CSMD1: variants seen among roughly 807,000 people sequenced by gnomAD.
CSMD1 encodes the protein CUB and sushi domain-containing protein 1.
CSMD1 carries 213 observed loss-of-function variants against 417.5 expected under a neutral mutation model. The ratio of observed to expected loss-of-function variants is 0.51; its 90% CI spans 0.46 to 0.57. The LOEUF is 0.57. CSMD1 is among the 20% of genes least tolerant of loss of function. CSMD1 has a pLI of 0.00. For synonymous variants in CSMD1, 2,862 were observed against 1,736.8 expected, an observed-to-expected ratio of 1.65 and a Z score of -16.11; for missense variants, 6,923 against 4,529.7, an observed-to-expected ratio of 1.53 and a Z score of -15.17.
rs113599191 is a variant in CSMD1, at chr8:3,821,137, C to G, written c.819-67095G>C. On this transcript the variant is annotated intron_variant, in intron 5 of 69. Coordinates refer to ENST00000635120, the MANE Select transcript of CSMD1 (RefSeq NM_033225.6). ...TTCACCATGTAAGCCAGGCTGGTCT[C>G]GAACTCCTGACCTCAGGTGATCCAC... Among the ~76,000 whole-genome samples the G allele has an allele frequency of 1.3e-3, 203 of 152,156 alleles. 1 individual carries two copies. The highest frequency in any genetic ancestry group is 4.6e-3 in the African/African-American group (193 of 41,510).
chr8:3,999,293 G>A (rs1815473355), intron 4 of CSMD1, among the ~76,000 whole-genome samples: 1 of 152,122 alleles, frequency 6.6e-6, no homozygotes, highest in South Asian at 2.1e-4. Context: ...GCTGTAAGCA[G>A]AGGTTGTGTG....
intron 5 of CSMD1, among the ~76,000 whole-genome samples, chr8:3,913,210 C>G (rs908968436): frequency 6.6e-6 from 1 of 152,170 alleles, no homozygotes; most frequent in African/African-American, 2.4e-5. Flanking sequence ...GAGGTCAGAA[C>G]AGATATCAGG....
intron 5 of CSMD1, among the ~76,000 whole-genome samples, chr8:3,795,120 C>CATGTATAGCTATAGATAGA (rs1563087051): frequency 1.6e-4 from 12 of 75,786 alleles, no homozygotes; most frequent in African/African-American, 2.4e-4. Flanking sequence ...CTATAGATAT[C>CATGTATAGCTATAGATAGA]TATCATGTAC....
At chr8:4,825,585 A>T (rs1450755109) in intron 1 of CSMD1, among the ~76,000 whole-genome samples, 1 of 105,360 alleles carries the variant, frequency 9.5e-6, no homozygotes, top group Non-Finnish European at 2.2e-5. Flanking sequence ...TACAAGTGGG[A>T]TCAAAAAGCA....
chr8:3,834,776 A>G (rs1447304572), intron 5 of CSMD1, among the ~76,000 whole-genome samples: 1 of 152,076 alleles, frequency 6.6e-6, no homozygotes. Flanking sequence ...GAAGAGCTCA[A>G]GGCAACCTAC....
chr8:3,349,611 T>C (rs1425480081), intron 21 of CSMD1, among the ~76,000 whole-genome samples: 1 of 151,738 alleles, frequency 6.6e-6, no homozygotes, highest in Non-Finnish European at 1.5e-5. Context: ...ATAATCATTT[T>C]AAGAAATTAC....
chr8:3,955,695 G>T (rs1252500590), intron 5 of CSMD1, among the ~76,000 whole-genome samples: 1 of 152,100 alleles, frequency 6.6e-6, no homozygotes, highest in African/African-American at 2.4e-5. Flanking sequence ...GAAAGAGGAT[G>T]AATACGTGGA....
intron 7 of CSMD1, among the ~76,000 whole-genome samples, chr8:3,633,787 C>A (rs939186193): frequency 6.6e-6 from 1 of 152,170 alleles, no homozygotes; most frequent in Non-Finnish European, 1.5e-5. Context: ...TCAGATATTA[C>A]TTCTCAAGTA....
chr8:3,014,924 T>A (rs1017564550), intron 52 of CSMD1, among the ~76,000 whole-genome samples: 1 of 151,790 alleles, frequency 6.6e-6, no homozygotes, highest in African/African-American at 2.4e-5. Context: ...TCAAACATAA[T>A]TAAATAAATA....
At chr8:4,299,812 G>C (rs1007779379) in intron 3 of CSMD1, among the ~76,000 whole-genome samples, 4 of 151,716 alleles carry the variant, frequency 2.6e-5, no homozygotes, top group African/African-American at 9.7e-5. Flanking sequence ...TGTATTTTTA[G>C]TACAGATGGG....
chr8:3,085,831 T>A (rs916434280), intron 49 of CSMD1, among the ~76,000 whole-genome samples: 5 of 152,192 alleles, frequency 3.3e-5, no homozygotes, highest in Non-Finnish European at 7.3e-5. Flanking sequence ...GACTAGCATG[T>A]GCCTGGCATC....
At chr8:4,213,322 A>C (rs17069490) in intron 3 of CSMD1, among the ~76,000 whole-genome samples, 7,908 of 152,162 alleles carry the variant, frequency 0.052, 617 homozygotes, top group East Asian at 0.33. Context: ...TCTGCTCCAG[A>C]CATGCAATTC....
At chr8:4,831,225 C>T (rs1360624227) in intron 1 of CSMD1, among the ~76,000 whole-genome samples, 7 of 152,106 alleles carry the variant, frequency 4.6e-5, no homozygotes, top group Admixed American at 2.0e-4. Context: ...CCACACCTGA[C>T]AAAAAGAGGG....
chr8:4,808,583 G>T (rs1395140027), intron 1 of CSMD1, among the ~76,000 whole-genome samples: 1 of 152,092 alleles, frequency 6.6e-6, no homozygotes, highest in Non-Finnish European at 1.5e-5. Flanking sequence ...TTATCATAAT[G>T]GGTGTGATAC....
chr8:3,772,866 T>C lies in CSMD1; in HGVS notation c.819-18824A>G, dbSNP rs916611839. Among the ~76,000 whole-genome samples the C allele has an allele frequency of 3.3e-5, 5 of 152,134 alleles. No homozygotes were observed. The East Asian group carries it at 9.7e-4, about 29-fold the overall frequency. On this transcript the variant is annotated intron_variant, in intron 5 of 69. Coordinates refer to ENST00000635120, the MANE Select transcript of CSMD1 (RefSeq NM_033225.6). ...CCCCTCCTCTGCACCACATCCTTAG[T>C]GCATTCAGGGTGACAATGAAAATAT... is the stretch of plus-strand genomic sequence containing the variant.
At chr8:3,741,049 T>C (rs1796775836) in intron 6 of CSMD1, among the ~76,000 whole-genome samples, 1 of 151,942 alleles carries the variant, frequency 6.6e-6, no homozygotes, top group African/African-American at 2.4e-5. Flanking sequence ...ACTCCGTCTC[T>C]ACTAAAAATA....
chr8:4,416,968 T>A (rs1446456123), intron 3 of CSMD1, among the ~76,000 whole-genome samples: 2 of 151,790 alleles, frequency 1.3e-5, no homozygotes, highest in African/African-American at 4.8e-5. Flanking sequence ...TGTTATTAAT[T>A]TGTCAAAGAC....
Position 3,729,627 on chromosome 8 carries a change from C to G in CSMD1, c.932-21136G>C, listed in dbSNP as rs565952519. ...ATTAGCAGATCTTAGTGTGGAAAGACGGTGAACTCAACTTAGAGGAAGCGA... is the reference window on the plus strand; with the variant it reads ...ATTAGCAGATCTTAGTGTGGAAAGAGGGTGAACTCAACTTAGAGGAAGCGA... On this transcript the variant is annotated intron_variant, in intron 6 of 69. Transcript: ENST00000635120. Among the ~76,000 whole-genome samples, 112 of 152,052 alleles carry G rather than the reference C, an allele frequency of 7.4e-4. No individual in the cohort carries two copies. The Middle Eastern group carries it at 0.014, about 18-fold the overall frequency.
Position 3,223,879 on chromosome 8 carries a change from C to T in CSMD1, c.4346-12G>A. The stretch of plus-strand genomic sequence containing the variant: ...CCCTCCACAAGCAGCTGTCACAGAA[C>T]AAAAGTTACAGAGAAAAAGTAAGGA... On this transcript the variant is annotated splice_polypyrimidine_tract_variant and intron_variant, in intron 27 of 69. Transcript: ENST00000635120. The T allele has an allele frequency of 6.2e-7, 1 of 1,613,228 alleles. No individual in the cohort carries two copies. Among genetic ancestry groups the T allele is most frequent in the Non-Finnish European group, 8.5e-7 (1 of 1,179,478 alleles).
Sources: gnomAD v4.1 joint callset for allele counts (sites outside exome capture counted in the v4.1 genomes callset) on GRCh38, gnomAD v4.1.1 for gene constraint, MANE v1.5 for transcripts, NCBI Gene and HGNC (gene_info 2026-07-23, HGNC 2026-07-21) for gene names.